CARMIL1: variants seen among roughly 807,000 people sequenced by gnomAD.
CARMIL1 encodes the protein F-actin-uncapping protein LRRC16A.
CARMIL1 carries 90 observed loss-of-function variants against 177.1 expected under a neutral mutation model. The ratio of observed to expected loss-of-function variants is 0.51; its 90% CI spans 0.43 to 0.61. The LOEUF is 0.61. Ranked by LOEUF, CARMIL1 falls within the 20% of genes least tolerant of loss-of-function variation. The probability of loss-of-function intolerance (pLI) is 0.00; values close to 1 mark genes in which losing one functional copy is unlikely to be tolerated. For synonymous variants in CARMIL1, 577 were observed against 606.2 expected (o/e 0.95, Z 0.71); for missense variants, 1,380 against 1,667.0 (o/e 0.83, Z 3.00).
At chr6:25,479,671 C>G (rs148510044) in intron 11 of CARMIL1, among the ~76,000 whole-genome samples, 5 of 151,854 alleles carry the variant, frequency 3.3e-5, no homozygotes, top group African/African-American at 1.2e-4. Context: ...TTCCCTTTTT[C>G]TTATTTTTTT....
intron 2 of CARMIL1, among the ~76,000 whole-genome samples, chr6:25,344,912 A>G (rs937863063): frequency 1.3e-5 from 2 of 151,860 alleles, no homozygotes; most frequent in African/African-American, 4.8e-5. Context: ...ATGAGTTATT[A>G]TTTTTCTTAT....
chr6:25,582,397 T>G (rs1435833046), intron 31 of CARMIL1, among the ~76,000 whole-genome samples: 3 of 152,220 alleles, frequency 2.0e-5, no homozygotes, highest in African/African-American at 7.2e-5. Context: ...CTGGGTGATA[T>G]CATCTAACTC....
chr6:25,354,800 C>G (rs1244467053), intron 2 of CARMIL1, among the ~76,000 whole-genome samples: 3 of 152,222 alleles, frequency 2.0e-5, no homozygotes, highest in Non-Finnish European at 4.4e-5. Flanking sequence ...ACATAATCCA[C>G]TGCTTTGGGA....
intron 2 of CARMIL1, among the ~76,000 whole-genome samples, chr6:25,363,600 T>G (rs969005396): frequency 7.2e-5 from 11 of 152,220 alleles, no homozygotes; most frequent in African/African-American, 2.4e-4. Context: ...TTGCTGAGCA[T>G]TTCCTCTAGA....
intron 2 of CARMIL1, among the ~76,000 whole-genome samples, chr6:25,336,568 G>A (rs1347812792): frequency 6.6e-6 from 1 of 152,122 alleles, no homozygotes; most frequent in Non-Finnish European, 1.5e-5. Flanking sequence ...GGTTGTTTTA[G>A]GGTTAAATGA....
intron 2 of CARMIL1, among the ~76,000 whole-genome samples, chr6:25,386,746 T>C (rs898402183): frequency 2.0e-5 from 3 of 152,142 alleles, no homozygotes; most frequent in Non-Finnish European, 4.4e-5. Context: ...ACACTGGTCA[T>C]TTTTATTGAT....
intron 26 of CARMIL1, among the ~76,000 whole-genome samples, chr6:25,544,606 T>TACAC (rs3034120): frequency 0.036 from 5,165 of 142,428 alleles, 107 homozygotes; most frequent in Middle Eastern, 0.072. Context: ...GTTACTAGAC[T>TACAC]ACACACACAC....
chr6:25,428,378 T>C (rs1796449624), intron 4 of CARMIL1, among the ~76,000 whole-genome samples: 1 of 152,212 alleles, frequency 6.6e-6, no homozygotes, highest in Admixed American at 6.5e-5. Flanking sequence ...GAATCCCGTC[T>C]CCTTGCTACT....
In CARMIL1 at chr6:25,615,035, A is replaced by G. The variant is rs533003113; in HGVS notation, c.3980-4412A>G. On this transcript the variant is annotated intron_variant, in intron 36 of 36. Coordinates refer to ENST00000329474, the MANE Select transcript of CARMIL1 (RefSeq NM_017640.6). The stretch of plus-strand genomic sequence containing the variant: ...AGTAATTTTTACAGGATCTTCAATT[A>G]AAGTGATTTTATGCATAATATTTTA... Among the ~76,000 whole-genome samples, 19 of 152,364 alleles carry G rather than the reference A, an allele frequency of 1.2e-4. No individual in the cohort carries two copies. In the East Asian group the frequency reaches 3.7e-3, roughly 29 times the overall value.
At chr6:25,516,699 C>G (rs1477142411) in intron 21 of CARMIL1, among the ~76,000 whole-genome samples, 1 of 152,192 alleles carries the variant, frequency 6.6e-6, no homozygotes, top group Non-Finnish European at 1.5e-5. Flanking sequence ...CTAAATACCC[C>G]TGAAGTATAC....
intron 26 of CARMIL1, among the ~76,000 whole-genome samples, chr6:25,542,929 A>G (rs1291497593): frequency 1.3e-5 from 2 of 152,202 alleles, no homozygotes; most frequent in Non-Finnish European, 1.5e-5. Context: ...ATTCACTACT[A>G]CTATCAAATT....
chr6:25,602,957 G>A (rs1212961056), intron 33 of CARMIL1, among the ~76,000 whole-genome samples: 2 of 152,120 alleles, frequency 1.3e-5, no homozygotes, highest in African/African-American at 4.8e-5. Context: ...TTTCCTCTGG[G>A]GCCTCCAAGT....
chr6:25,526,482 C>T (rs1217566183), intron 23 of CARMIL1, among the ~76,000 whole-genome samples: 1 of 151,434 alleles, frequency 6.6e-6, no homozygotes, highest in Non-Finnish European at 1.5e-5. Context: ...CTTTCCTTCC[C>T]TCTCATTCTC....
chr6:25,310,377 T>G (rs1204613389), intron 2 of CARMIL1, among the ~76,000 whole-genome samples: 2 of 152,220 alleles, frequency 1.3e-5, no homozygotes, highest in Non-Finnish European at 2.9e-5. Flanking sequence ...GAAAAGTTTT[T>G]CAAACTGCAG....
chr6:25,438,330 G>T (rs1205647970), intron 5 of CARMIL1, among the ~76,000 whole-genome samples: 1 of 152,178 alleles, frequency 6.6e-6, no homozygotes, highest in Non-Finnish European at 1.5e-5. Flanking sequence ...TTGAGGTCCA[G>T]CAGTGAACAT....
At chr6:25,398,842 A>T (rs1185783886) in intron 2 of CARMIL1, among the ~76,000 whole-genome samples, 1 of 152,222 alleles carries the variant, frequency 6.6e-6, no homozygotes, top group African/African-American at 2.4e-5. Flanking sequence ...GGGGTGCTGC[A>T]GGGAATGTGG....
At chr6:25,603,927 G>A (rs953238704) in intron 33 of CARMIL1, among the ~76,000 whole-genome samples, 3 of 151,480 alleles carry the variant, frequency 2.0e-5, no homozygotes, top group East Asian at 1.9e-4. Flanking sequence ...AAATTTATTC[G>A]GTCCTGTTCA....
intron 2 of CARMIL1, among the ~76,000 whole-genome samples, chr6:25,369,379 GTTTT>G (rs5875032): frequency 2.6e-4 from 36 of 140,824 alleles, no homozygotes; most frequent in African/African-American, 2.7e-4. Context: ...GCTGTATTTT[GTTTT>G]TTTTTTTTTT....
At position 25,472,488 on chromosome 6, in the gene CARMIL1, A is replaced by G. The variant is rs371382382; in HGVS notation, c.841A>G (p.Ile281Val). ...TAATCCCAACTCAGGACTCCACACAATTAACCTTGCTGGCAACCCACTGGA... is the reference window on the plus strand; with the variant it reads ...TAATCCCAACTCAGGACTCCACACAGTTAACCTTGCTGGCAACCCACTGGA... ...AHNPNSGLHT[I>V]NLAGNPLEDR... is the part of the protein sequence containing the mutation. Residue 281 changes from isoleucine to valine, a missense_variant, in exon 11 of 37, where the codon ATT (isoleucine) becomes GTT (valine). Coordinates refer to ENST00000329474, the MANE Select transcript of CARMIL1 (RefSeq NM_017640.6). 6.1e-5 allele frequency: 96 copies of G among 1,582,510 alleles called. No homozygotes were observed. The highest frequency in any genetic ancestry group is 7.5e-5 in the Non-Finnish European group (87 of 1,163,492).
Sources: gnomAD v4.1 joint callset for allele counts (sites outside exome capture counted in the v4.1 genomes callset) on GRCh38, gnomAD v4.1.1 for gene constraint, MANE v1.5 for transcripts, NCBI Gene and HGNC (gene_info 2026-07-23, HGNC 2026-07-21) for gene names.